Variants in STXBP6 observed in about 807,000 individuals in gnomAD.
STXBP6 encodes the protein syntaxin-binding protein 6.
A neutral mutation model predicts 26.9 loss-of-function variants in STXBP6; 21 were observed. That is an observed-to-expected ratio of 0.78 (90% confidence interval 0.55 to 1.12). STXBP6 has a LOEUF of 1.12. STXBP6 is among the 50% of genes most tolerant of loss of function. The probability of loss-of-function intolerance (pLI) is 0.00; values close to 1 mark genes in which losing one functional copy is unlikely to be tolerated. For missense variants in STXBP6, 232 were observed against 257.9 expected (o/e 0.90, Z 0.69); for synonymous variants, 97 against 92.6 (o/e 1.05, Z -0.27).
At chr14:24,896,799 A>G (rs1381065665) in intron 2 of STXBP6, among the ~76,000 whole-genome samples, 1 of 152,194 alleles carries the variant, frequency 6.6e-6, no homozygotes, top group Non-Finnish European at 1.5e-5. Context: ...AAGGAACACA[A>G]GAGTTGTCAT....
chr14:24,860,278 A>G (rs2069488976), intron 2 of STXBP6, among the ~76,000 whole-genome samples: 1 of 152,206 alleles, frequency 6.6e-6, no homozygotes, highest in Admixed American at 6.5e-5. Flanking sequence ...CCAATAAGCC[A>G]GCCAATAACA....
intron 1 of STXBP6, among the ~76,000 whole-genome samples, chr14:25,022,381 T>G (rs1677536613): frequency 6.6e-6 from 1 of 152,158 alleles, no homozygotes; most frequent in South Asian, 2.1e-4. Flanking sequence ...GGCTCAGAAT[T>G]CCCTGTGATT....
chr14:24,824,476 C>T (rs542631612), intron 4 of STXBP6, among the ~76,000 whole-genome samples: 1 of 152,254 alleles, frequency 6.6e-6, no homozygotes, highest in African/African-American at 2.4e-5. Context: ...AAAGCCTACC[C>T]GGTGATAGAA....
chr14:24,978,144 TA>T lies in STXBP6; in HGVS notation c.-32-3295del, dbSNP rs149016179. Among the ~76,000 whole-genome samples, 15 of 152,280 alleles carry T rather than the reference TA, an allele frequency of 9.9e-5. No individual in the cohort carries two copies. In the East Asian group the frequency reaches 2.9e-3, roughly 29 times the overall value. Reference sequence around the variant, plus strand: ...CTGTCATAACTTCATAGCAATAACTTAAGAGTATCCCAAATCTGATTGTATG... The same window carrying T: ...CTGTCATAACTTCATAGCAATAACTTAGAGTATCCCAAATCTGATTGTATG... On this transcript the variant is annotated intron_variant, in intron 1 of 5. Coordinates refer to ENST00000323944, the MANE Select transcript of STXBP6 (RefSeq NM_001394410.1).
intron 2 of STXBP6, among the ~76,000 whole-genome samples, chr14:24,912,042 A>G (rs2071593806): frequency 6.6e-6 from 1 of 152,160 alleles, no homozygotes; most frequent in Non-Finnish European, 1.5e-5. Flanking sequence ...CAACTTGTGC[A>G]ATGGAAAGAG....
chr14:24,962,558 C>A (rs370031429), intron 2 of STXBP6, among the ~76,000 whole-genome samples: 1 of 151,934 alleles, frequency 6.6e-6, no homozygotes, highest in Admixed American at 6.6e-5. Flanking sequence ...GGACTCCTGA[C>A]CTCAAGTGAT....
intron 2 of STXBP6, among the ~76,000 whole-genome samples, chr14:24,866,545 G>A (rs2069729300): frequency 6.6e-6 from 1 of 151,956 alleles, no homozygotes; most frequent in African/African-American, 2.4e-5. Flanking sequence ...ATTTACAAGA[G>A]TATTGAAAAG....
At chr14:24,848,176 T>C (rs1339245418) in intron 4 of STXBP6, among the ~76,000 whole-genome samples, 1 of 152,208 alleles carries the variant, frequency 6.6e-6, no homozygotes, top group Non-Finnish European at 1.5e-5. Flanking sequence ...TATTTAGGCA[T>C]GTACTGGCAT....
chr14:24,905,188 C>T lies in STXBP6; in HGVS notation c.155-48031G>A, dbSNP rs184639415. On this transcript the variant is annotated intron_variant, in intron 2 of 5. Coordinates refer to ENST00000323944, the MANE Select transcript of STXBP6 (RefSeq NM_001394410.1). ...CAAATAGGATTCATTCAGACTTATCCATGCTTTTGGGCTGTTTATTCCAAA... is the reference window on the plus strand; with the variant it reads ...CAAATAGGATTCATTCAGACTTATCTATGCTTTTGGGCTGTTTATTCCAAA... 1.3e-3 allele frequency among the ~76,000 whole-genome samples: 201 copies of T among 152,208 alleles called. 1 individual carries two copies. The highest frequency in any genetic ancestry group is 4.6e-3 in the African/African-American group (191 of 41,514).
At chr14:24,839,843 G>A (rs183214657) in intron 4 of STXBP6, among the ~76,000 whole-genome samples, 5 of 152,248 alleles carry the variant, frequency 3.3e-5, no homozygotes, top group African/African-American at 1.2e-4. Context: ...TGTAGGATTT[G>A]AATTAGAATT....
chr14:24,901,593 T>C (rs1282808123), intron 2 of STXBP6, among the ~76,000 whole-genome samples: 5 of 152,282 alleles, frequency 3.3e-5, no homozygotes, highest in Admixed American at 3.3e-4. Flanking sequence ...TTATTCATAA[T>C]AACCCAAAAC....
intron 2 of STXBP6, among the ~76,000 whole-genome samples, chr14:24,934,284 A>T (rs762698816): frequency 6.6e-6 from 1 of 152,220 alleles, no homozygotes; most frequent in East Asian, 1.9e-4. Flanking sequence ...TAACATTAAG[A>T]CTGAATAAAA....
At chr14:24,927,590 G>T (rs1595126529) in intron 2 of STXBP6, among the ~76,000 whole-genome samples, 1 of 152,102 alleles carries the variant, frequency 6.6e-6, no homozygotes, top group Non-Finnish European at 1.5e-5. Context: ...CATCTTCAAA[G>T]AACAGTTTAT....
chr14:24,852,700 GA>G (rs1289423391), intron 4 of STXBP6, among the ~76,000 whole-genome samples: 1 of 152,062 alleles, frequency 6.6e-6, no homozygotes, highest in Admixed American at 6.6e-5. Context: ...ACAAAACTAG[GA>G]AAAAAGTTAA....
intron 2 of STXBP6, among the ~76,000 whole-genome samples, chr14:24,866,773 G>A (rs1469238001): frequency 4.0e-5 from 6 of 150,974 alleles, no homozygotes; most frequent in Admixed American, 3.9e-4. Flanking sequence ...GATTCCAGTG[G>A]ACAGACATAC....
At chr14:24,966,239 CTG>C (rs2073729229) in intron 2 of STXBP6, among the ~76,000 whole-genome samples, 1 of 152,116 alleles carries the variant, frequency 6.6e-6, no homozygotes, top group African/African-American at 2.4e-5. Flanking sequence ...AAAGAAAACT[CTG>C]TTGGCGTGCT....
At chr14:25,035,215 C>T (rs1316474948) in intron 1 of STXBP6, among the ~76,000 whole-genome samples, 1 of 151,538 alleles carries the variant, frequency 6.6e-6, no homozygotes, top group African/African-American at 2.4e-5. Flanking sequence ...TGAGATAACA[C>T]AGCCATCTAT....
intron 2 of STXBP6, among the ~76,000 whole-genome samples, chr14:24,953,330 G>A (rs890843577): frequency 6.6e-6 from 1 of 152,118 alleles, no homozygotes; most frequent in Non-Finnish European, 1.5e-5. Context: ...TCCAAATATG[G>A]TGAACTTCAC....
intron 1 of STXBP6, among the ~76,000 whole-genome samples, chr14:24,976,978 T>A (rs1264586881): frequency 2.7e-5 from 4 of 148,402 alleles, no homozygotes; most frequent in Non-Finnish European, 5.9e-5. Flanking sequence ...TTCTACTGCC[T>A]CAGCCTCCCC....
Sources: allele counts gnomAD v4.1 joint callset (sites outside exome capture counted in the v4.1 genomes callset), GRCh38; gene constraint gnomAD v4.1.1; transcripts MANE v1.5; gene names NCBI Gene and HGNC (gene_info 2026-07-23, HGNC 2026-07-21).